Variants in CERS3 observed in about 807,000 individuals in gnomAD.
CERS3 encodes the protein LAG1 homolog, ceramide synthase 3.
Under a neutral mutation model 50.3 loss-of-function variants are expected in CERS3, and 33 were observed. The ratio of observed to expected loss-of-function variants is 0.66; its 90% CI spans 0.50 to 0.88. The LOEUF is 0.88. Among genes scored for constraint, CERS3 ranks in the 40% least tolerant of loss-of-function variants. CERS3 has a pLI of 0.00. For synonymous variants in CERS3, 176 were observed against 155.2 expected, an observed-to-expected ratio of 1.13 and a Z score of -0.99; for missense variants, 470 against 460.3, an observed-to-expected ratio of 1.02 and a Z score of -0.19.
rs112540644 is a variant in CERS3, at chr15:100,400,623, G to C, written c.*2090C>G. On this transcript the variant is annotated 3_prime_UTR_variant, in exon 12 of 12. Transcript: ENST00000679737. ...AGCTGTATCAGAAATAGTTAAAATT[G>C]GTATATCAATTTTACCTTCAACATT... 258 of 151,920 alleles carry C rather than the reference G, an allele frequency of 1.7e-3. 4 individuals carry two copies. The highest frequency in any genetic ancestry group is 5.8e-3 in the African/African-American group (242 of 41,392). The allele number at this position is 151,920 out of a possible 1,614,324, so 9.4% of individuals were successfully genotyped here.
At chr15:100,477,002 A>G (rs2035147407) in intron 7 of CERS3, among the ~76,000 whole-genome samples, 2 of 152,204 alleles carry the variant, frequency 1.3e-5, no homozygotes, top group South Asian at 4.1e-4. Flanking sequence ...GCTATGAATG[A>G]CGTCACCATA....
chr15:100,447,502 G>A (rs1245051851), intron 11 of CERS3, among the ~76,000 whole-genome samples: 1 of 152,172 alleles, frequency 6.6e-6, no homozygotes, highest in African/African-American at 2.4e-5. Flanking sequence ...ATCTCCTGCG[G>A]CTGTGTCATG....
chr15:100,424,639 G>A (rs2032690202), intron 11 of CERS3, among the ~76,000 whole-genome samples: 1 of 152,198 alleles, frequency 6.6e-6, no homozygotes, highest in Non-Finnish European at 1.5e-5. Flanking sequence ...AGGGTATCTG[G>A]TAGAAGAAAT....
At chr15:100,431,602 C>A (rs916219075) in intron 11 of CERS3, among the ~76,000 whole-genome samples, 2 of 152,106 alleles carry the variant, frequency 1.3e-5, no homozygotes, top group African/African-American at 4.8e-5. Context: ...AAAAAATAGA[C>A]CCAGTAAATG....
chr15:100,428,700 G>T (rs2032961620), intron 11 of CERS3, among the ~76,000 whole-genome samples: 1 of 152,146 alleles, frequency 6.6e-6, no homozygotes, highest in Middle Eastern at 3.2e-3. Context: ...GAGATATAAT[G>T]GTCTGTTCTC....
rs56075873 is a variant in CERS3, at chr15:100,481,651, G to A, written c.408-1605C>T. On this transcript the variant is annotated intron_variant, in intron 5 of 11. Transcript: ENST00000679737. ...TTCACAAGATTATGAAGCCGATGCTGTAATTAGTCCCTTCTTACAGACTGT... is the reference window on the plus strand; with the variant it reads ...TTCACAAGATTATGAAGCCGATGCTATAATTAGTCCCTTCTTACAGACTGT... 5.3e-3 allele frequency among the ~76,000 whole-genome samples: 808 copies of A among 152,368 alleles called. 7 individuals are homozygous for A. The highest frequency in any genetic ancestry group is 0.018 in the African/African-American group (752 of 41,590).
intron 11 of CERS3, among the ~76,000 whole-genome samples, chr15:100,431,571 G>T (rs2033133988): frequency 6.6e-6 from 1 of 152,184 alleles, no homozygotes; most frequent in African/African-American, 2.4e-5. Flanking sequence ...GTAGGGAAGA[G>T]TATAGTGATC....
intron 3 of CERS3, among the ~76,000 whole-genome samples, chr15:100,492,179 G>T (rs766761001): frequency 6.6e-6 from 1 of 152,190 alleles, no homozygotes; most frequent in Non-Finnish European, 1.5e-5. Context: ...TTCTGGTGTT[G>T]TTGAGTAGAG....
At chr15:100,542,567 T>C (rs972649819) in intron 1 of CERS3, among the ~76,000 whole-genome samples, 1 of 152,154 alleles carries the variant, frequency 6.6e-6, no homozygotes, top group Non-Finnish European at 1.5e-5. Context: ...AAAGTAAATA[T>C]AAAACATGGA....
At chr15:100,444,661 T>C (rs1452710363) in intron 11 of CERS3, among the ~76,000 whole-genome samples, 6 of 152,012 alleles carry the variant, frequency 3.9e-5, no homozygotes, top group African/African-American at 1.5e-4. Flanking sequence ...TCAGGGATTA[T>C]TCAGGCCCCC....
In CERS3 at chr15:100,472,964, A is replaced by G; in HGVS notation, c.698T>C (p.Leu233Pro). ...WCANYIRSGT[L>P]VMIVHDVADI... ...AGCCACATCGTGTACAATCATCACGAGGGTCCCACTGCGAATATAATTAGC... is the reference window on the plus strand; with the variant it reads ...AGCCACATCGTGTACAATCATCACGGGGGTCCCACTGCGAATATAATTAGC... Residue 233 changes from leucine to proline, a missense_variant, in exon 9 of 12, where the codon CTC (leucine) becomes CCC (proline). Leu to Pro is a moderately conservative substitution (Grantham distance 98). Coordinates refer to ENST00000679737, the MANE Select transcript of CERS3 (RefSeq NM_001378789.1). The G allele has an allele frequency of 6.2e-7, 1 of 1,614,028 alleles. No homozygotes were observed. Among genetic ancestry groups the G allele is most frequent in the Non-Finnish European group, 8.5e-7 (1 of 1,179,940 alleles).
chr15:100,443,747 G>A (rs1000501848), intron 11 of CERS3, among the ~76,000 whole-genome samples: 5 of 151,484 alleles, frequency 3.3e-5, no homozygotes, highest in Admixed American at 6.6e-5. Context: ...AAAGACACAC[G>A]TGCTCTCCCT....
At chr15:100,540,711 C>T (rs1024747456) in intron 1 of CERS3, among the ~76,000 whole-genome samples, 10 of 152,136 alleles carry the variant, frequency 6.6e-5, no homozygotes, top group South Asian at 2.1e-4. Flanking sequence ...TACCTATGTG[C>T]GCGTACAGGT....
intron 11 of CERS3, among the ~76,000 whole-genome samples, chr15:100,451,486 A>G (rs974472357): frequency 6.6e-6 from 1 of 152,076 alleles, no homozygotes; most frequent in Non-Finnish European, 1.5e-5. Context: ...GGAAGATCAC[A>G]AGGTCAGGAG....
At chr15:100,471,934 G>A (rs997736133) in intron 9 of CERS3, among the ~76,000 whole-genome samples, 3 of 152,166 alleles carry the variant, frequency 2.0e-5, no homozygotes, top group African/African-American at 7.2e-5. Flanking sequence ...GATTCTCACA[G>A]TTTTAAGAGG....
chr15:100,533,440 C>T (rs1319404605), upstream of CERS3, among the ~76,000 whole-genome samples: 1 of 152,150 alleles, frequency 6.6e-6, no homozygotes, highest in Non-Finnish European at 1.5e-5. Flanking sequence ...TTCCTCTCTA[C>T]CACAGTAGGT....
chr15:100,477,480 G>A (rs563059469), intron 7 of CERS3, among the ~76,000 whole-genome samples: 9 of 152,160 alleles, frequency 5.9e-5, no homozygotes, highest in African/African-American at 2.2e-4. Context: ...AAGAAAGAAT[G>A]TCTGTTTGAA....
At chr15:100,423,096 ATGTT>A (rs1438420005) in intron 11 of CERS3, among the ~76,000 whole-genome samples, 2 of 31,494 alleles carry the variant, frequency 6.4e-5, no homozygotes, top group South Asian at 8.7e-4. Flanking sequence ...TAAAAAAAAA[ATGTT>A]AAAAAAAAAA....
intron 5 of CERS3, among the ~76,000 whole-genome samples, chr15:100,482,989 A>G (rs72759132): frequency 0.042 from 6,335 of 152,294 alleles, 187 homozygotes; most frequent in Non-Finnish European, 0.055. Flanking sequence ...AAAGAATAAG[A>G]TAAGGCTTAA....
Sources: allele counts gnomAD v4.1 joint callset (sites outside exome capture counted in the v4.1 genomes callset), GRCh38; gene constraint gnomAD v4.1.1; transcripts MANE v1.5; gene names NCBI Gene and HGNC (gene_info 2026-07-23, HGNC 2026-07-21).